Variants in CCT6A observed in about 807,000 individuals in gnomAD.
CCT6A encodes the protein T-complex protein 1 subunit zeta.
In CCT6A, 6 loss-of-function variants were observed where a neutral mutation model predicts 58.6. The ratio of observed to expected loss-of-function variants is 0.10; its 90% CI spans 0.06 to 0.20. The LOEUF is 0.20. CCT6A is among the 10% of genes least tolerant of loss of function. The pLI, the probability that CCT6A is intolerant of heterozygous loss-of-function variation, is 1.00. For missense variants in CCT6A, 516 were observed against 648.8 expected, an observed-to-expected ratio of 0.80 and a Z score of 2.22; for synonymous variants, 245 against 227.8, an observed-to-expected ratio of 1.08 and a Z score of -0.68.
intron 11 of CCT6A, 71 bp from the exon 12 acceptor site, chr7:56,061,655 CTTTTTCTTTTTTCTTTTTTTT>C: frequency 1.6e-6 from 1 of 639,508 alleles, no homozygotes; most frequent in Non-Finnish European, 2.5e-6. Context: ...CCGAGATTTT[CTTTTTCTTTTTTCTTTTTTTT>C]TTTTTTTTTT....
chr7:56,063,254 A>G lies in CCT6A; in HGVS notation c.*169A>G. 1.6e-6 allele frequency: 1 copy of G among 610,504 alleles called. No individual in the cohort carries two copies. The highest frequency in any genetic ancestry group is 2.9e-6 in the Non-Finnish European group (1 of 344,862). 37.8% of individuals were successfully genotyped at this position (610,504 alleles called of 1,614,324 possible). A position where few individuals can be genotyped will look rare whatever the true frequency, so the allele number is the denominator to read the frequency against. On this transcript the variant is annotated 3_prime_UTR_variant, in exon 14 of 14. Transcript: ENST00000275603. ...AATTTGGAAGTTCTGAAATTATAGT[A>G]TTTTTAAAAATTGCACTGAAGTGTA...
intron 5 of CCT6A, among the ~76,000 whole-genome samples, chr7:56,056,744 A>G (rs1794316039): frequency 1.3e-5 from 2 of 151,636 alleles, no homozygotes; most frequent in South Asian, 4.2e-4. Flanking sequence ...AACAAAAACA[A>G]AAAATAAACT....
At chr7:56,052,026 C>T (rs1794103146) in intron 1 of CCT6A, 41 bp downstream of exon 1, 1 of 1,394,470 alleles carries the variant, frequency 7.2e-7, no homozygotes, top group Non-Finnish European at 9.3e-7. Flanking sequence ...GGGCACCGCG[C>T]GCCGCCGCGC....
chr7:56,059,481 G>A (rs1432153344), intron 8 of CCT6A, 63 bp from the exon 9 acceptor site: 7 of 834,570 alleles, frequency 8.4e-6, no homozygotes, highest in Non-Finnish European at 1.5e-5. Context: ...AAAAATTACT[G>A]GTCTTATCTT....
intron 2 of CCT6A, 127 bp downstream of exon 2, chr7:56,052,612 A>G: frequency 1.3e-6 from 1 of 779,758 alleles, no homozygotes; most frequent in African/African-American, 1.7e-5. Context: ...AATCAGTAAT[A>G]GTCCTGAGTG....
At chr7:56,052,723 C>T (rs2117325607) in intron 2 of CCT6A, among the ~76,000 whole-genome samples, 1 of 151,520 alleles carries the variant, frequency 6.6e-6, no homozygotes, top group African/African-American at 2.4e-5. Context: ...TATTTTAAAA[C>T]TTGAAAAATT....
At chr7:56,052,585 A>G (rs921144684) in intron 2 of CCT6A, 100 bp downstream of exon 2, 3 of 1,016,088 alleles carry the variant, frequency 3.0e-6, no homozygotes, top group East Asian at 2.4e-5. Context: ...GTAGGAGAAC[A>G]TTCAGAAGTG....
intron 1 of CCT6A, 142 bp downstream of exon 1, chr7:56,052,127 C>T (rs1156726550): frequency 4.3e-6 from 3 of 697,858 alleles, no homozygotes; most frequent in South Asian, 3.0e-5. Context: ...GGTCCTGTGT[C>T]CCTCCTAAGC....
chr7:56,057,666 A>G (rs894487987), intron 5 of CCT6A, among the ~76,000 whole-genome samples: 4 of 152,082 alleles, frequency 2.6e-5, no homozygotes, highest in African/African-American at 4.8e-5. Context: ...GGATCACGAG[A>G]TCAGGAGATC....
At chr7:56,053,953 T>G (rs1263231941) in intron 2 of CCT6A, among the ~76,000 whole-genome samples, 1 of 152,190 alleles carries the variant, frequency 6.6e-6, no homozygotes, top group Non-Finnish European at 1.5e-5. Flanking sequence ...CAGAAGTCTG[T>G]TTTTCAGTTT....
chr7:56,063,403 A>C lies in CCT6A; in HGVS notation c.*318A>C, dbSNP rs1241687100. 3 of 286,184 alleles carry C rather than the reference A, an allele frequency of 1.0e-5. No homozygotes were observed. The highest frequency in any genetic ancestry group is 6.7e-5 in the African/African-American group (3 of 44,754). 17.7% of individuals were successfully genotyped at this position (286,184 alleles called of 1,614,324 possible). ...GTTATTAAATATTTCTTGAAAAGCA[A>C]ATTTTAATGGTTTAATTTTATGTGG... is the stretch of plus-strand genomic sequence containing the variant. On this transcript the variant is annotated 3_prime_UTR_variant, in exon 14 of 14. Coordinates refer to ENST00000275603, the MANE Select transcript of CCT6A (RefSeq NM_001762.4).
Position 56,060,364 on chromosome 7 carries a change from C to G in CCT6A, c.1161C>G (p.Ile387Met). 1 of 1,613,780 alleles carries G rather than the reference C, an allele frequency of 6.2e-7. No homozygotes were observed. Among genetic ancestry groups the G allele is most frequent in the Non-Finnish European group, 8.5e-7 (1 of 1,179,752 alleles). ...KGPNKHTLTQ[I>M]KDAVRDGLRA... ...CAAATAAGCACACACTCACTCAGATCAAAGATGCAGTGAGGGACGGCTTGA... is the reference window on the plus strand; with the variant it reads ...CAAATAAGCACACACTCACTCAGATGAAAGATGCAGTGAGGGACGGCTTGA... The change falls in exon 10 of 14, where the codon ATC becomes ATG. Residue 387 changes from isoleucine (I) to methionine (M), a missense_variant. Physicochemically the swap from Ile to Met is conservative, Grantham distance 10 (BLOSUM62 1). This residue lies in a region of CCT6A where 315 missense variants were observed against 389.4 expected (regional missense o/e 0.81). Transcript: ENST00000275603.
chr7:56,054,591 T>G, intron 3 of CCT6A, 88 bp downstream of exon 3: 1 of 1,323,254 alleles, frequency 7.6e-7, no homozygotes, highest in South Asian at 1.4e-5. Flanking sequence ...TAATAGTAGC[T>G]GAGGTCATAC....
chr7:56,055,809 A>G lies in CCT6A; in HGVS notation c.510+12A>G, dbSNP rs756338375. 1.1e-5 allele frequency: 18 copies of G among 1,603,066 alleles called. No individual in the cohort carries two copies. Among genetic ancestry groups the G allele is most frequent in the South Asian group, 7.7e-5 (7 of 90,516 alleles). ...ATGTCTTAACAGAGGTATGTATTAA[A>G]TTTTGTCTATGTCTGGTATAGTATA... On this transcript the variant is annotated intron_variant, in intron 4 of 13. Transcript: ENST00000275603.
In CCT6A at chr7:56,052,549, A is replaced by G. The variant is rs4621762; in HGVS notation, c.201+64A>G. 1,378 of 1,371,690 alleles carry G rather than the reference A, an allele frequency of 1.0e-3. 14 individuals are homozygous for G. In the African/African-American group the frequency reaches 0.017, roughly 17 times the overall value. The allele number at this position is 1,371,690 out of a possible 1,614,324, so 85.0% of individuals were successfully genotyped here. On this transcript the variant is annotated intron_variant, in intron 2 of 13. Coordinates refer to ENST00000275603, the MANE Select transcript of CCT6A (RefSeq NM_001762.4). Reference sequence around the variant, plus strand: ...TTTCCGTAGAATGTTTTCTTTGTAGAAAGATTTGCAGTGTCCATTTTCAAG... The same window carrying G: ...TTTCCGTAGAATGTTTTCTTTGTAGGAAGATTTGCAGTGTCCATTTTCAAG...
intron 2 of CCT6A, 31 bp downstream of exon 2, chr7:56,052,516 G>C: frequency 6.4e-7 from 1 of 1,563,254 alleles, no homozygotes; most frequent in Non-Finnish European, 8.8e-7. Flanking sequence ...GGTCAGAAAG[G>C]TCTTGATTTT....
intron 5 of CCT6A, among the ~76,000 whole-genome samples, chr7:56,057,366 G>A (rs35704704): frequency 6.6e-6 from 1 of 151,818 alleles, no homozygotes; most frequent in African/African-American, 2.4e-5. Context: ...TTTGGGGTGT[G>A]TGTGTGTGTG....
In CCT6A at chr7:56,058,516, C is replaced by G. The variant is rs372183807; in HGVS notation, c.880C>G (p.Gln294Glu). The G allele has an allele frequency of 1.9e-6, 3 of 1,591,442 alleles. No individual in the cohort carries two copies. Among genetic ancestry groups the G allele is most frequent in the East Asian group, 4.5e-5 (2 of 44,704 alleles). Residue 294 changes from glutamine to glutamate, a missense_variant, in exon 7 of 14, where the codon CAA becomes GAA. By Grantham distance (29) the Gln-to-Glu change is conservative (BLOSUM62 2). This residue lies in a region of CCT6A where 315 missense variants were observed against 389.4 expected (regional missense o/e 0.81). Coordinates refer to ENST00000275603, the MANE Select transcript of CCT6A (RefSeq NM_001762.4). ...AGATAAAGGATTTGTTGTTATTAATCAAAAGGTGAGAATGAAAACTCAATG... is the reference window on the plus strand; with the variant it reads ...AGATAAAGGATTTGTTGTTATTAATGAAAAGGTGAGAATGAAAACTCAATG... ...DSDKGFVVIN[Q>E]KGIDPFSLDA...
At position 56,063,863 on chromosome 7, in the gene CCT6A, A is replaced by G. The variant is rs1794546014; in HGVS notation, c.*778A>G. On this transcript the variant is annotated 3_prime_UTR_variant, in exon 14 of 14. Transcript: ENST00000275603. The stretch of plus-strand genomic sequence containing the variant: ...CTCACCCAAATTACGTTTCCACGAG[A>G]TTATTTATATATAGTTGGTCTATCT... The G allele has an allele frequency of 1.1e-5, 2 of 183,560 alleles. No homozygotes were observed. Among genetic ancestry groups the G allele is most frequent in the East Asian group, 3.1e-4 (2 of 6,536 alleles). 11.4% of individuals were successfully genotyped at this position (183,560 alleles called of 1,614,324 possible).
Sources: gnomAD v4.1 joint callset for allele counts (sites outside exome capture counted in the v4.1 genomes callset) on GRCh38, gnomAD v4.1.1 for gene constraint, gnomAD v4.1.1 regional missense constraint, MANE v1.5 for transcripts, NCBI Gene and HGNC (gene_info 2026-07-23, HGNC 2026-07-21) for gene names.